Variants in CFH observed in about 807,000 individuals in gnomAD.
CFH encodes the protein complement factor H.
CFH carries 53 observed loss-of-function variants against 147.3 expected under a neutral mutation model. The ratio of observed to expected loss-of-function variants is 0.36; its 90% CI spans 0.29 to 0.45. The LOEUF (loss-of-function observed/expected upper bound fraction) is 0.45. CFH is among the 20% of genes least tolerant of loss of function. The probability of loss-of-function intolerance (pLI) is 1.00; values close to 1 mark genes in which losing one functional copy is unlikely to be tolerated. For synonymous variants in CFH, 536 were observed against 489.4 expected (o/e 1.10, Z -1.26); for missense variants, 1,380 against 1,498.0 (o/e 0.92, Z 1.30).
In CFH at chr1:196,728,504, C is replaced by T. The variant is rs753504670; in HGVS notation, c.2395C>T (p.Pro799Ser). The part of the protein sequence containing the change: ...HTVCINGRWD[P>S]EVNCSMAQIQ... ...AGTCTGCATAAATGGAAGATGGGAT[C>T]CAGAAGTGAACTGCTCAAGTAAGCT... Residue 799 changes from proline (P) to serine (S), a missense_variant, in exon 15 of 22, where the codon CCA (proline) becomes TCA (serine). Pro to Ser is a moderately conservative substitution (Grantham distance 74). Around this residue, in one of 4 missense-constraint regions of CFH, gnomAD observed 830 missense variants for 821.4 expected, o/e 1.01. Transcript: ENST00000367429. 1.9e-6 allele frequency: 3 copies of T among 1,612,406 alleles called. No individual in the cohort carries two copies. The African/African-American group carries it at 4.0e-5, about 22-fold the overall frequency.
intron 1 of CFH, among the ~76,000 whole-genome samples, chr1:196,656,701 T>TTC (rs1666704691): frequency 6.7e-6 from 1 of 150,202 alleles, no homozygotes. Flanking sequence ...TTTTTTTTTT[T>TTC]CTCTATTTTC....
At chr1:196,741,737 T>C in intron 18 of CFH, 138 bp from the exon 19 acceptor site, 3 of 727,944 alleles carry the variant, frequency 4.1e-6, no homozygotes, top group South Asian at 1.8e-5. Flanking sequence ...ATGGCTAATA[T>C]ATTTTCTCAA....
intron 11 of CFH, among the ~76,000 whole-genome samples, chr1:196,721,029 TA>T (rs1668985397): frequency 6.6e-6 from 1 of 152,194 alleles, no homozygotes; most frequent in South Asian, 2.1e-4. Context: ...CTCATTTTTT[TA>T]ATTCGCATTT....
In CFH at chr1:196,730,712, T is replaced by C. The variant is rs776093034; in HGVS notation, c.2413+2190T>C. 5.3e-4 allele frequency among the ~76,000 whole-genome samples: 81 copies of C among 151,928 alleles called. 1 individual carries two copies. The highest frequency in any genetic ancestry group is 7.7e-4 in the Non-Finnish European group (52 of 67,776). On this transcript the variant is annotated intron_variant, in intron 15 of 21. Coordinates refer to ENST00000367429, the MANE Select transcript of CFH (RefSeq NM_000186.4). ...TACTATTACTGTGTTGCAGTCCACA[T>C]CTCCATTCAGATTCCTAAATGTTTC...
chr1:196,680,381 C>G lies in CFH; in HGVS notation c.790+588C>G, dbSNP rs1254685875. Among the ~76,000 whole-genome samples the G allele has an allele frequency of 2.7e-5, 4 of 150,868 alleles. No homozygotes were observed. The East Asian group carries it at 7.8e-4, about 29-fold the overall frequency. ...TTACACAGAGCCAAAGAGTTCATCTCAACTGTGCTCTTTGCCCACCAAAAA... is the reference window on the plus strand; with the variant it reads ...TTACACAGAGCCAAAGAGTTCATCTGAACTGTGCTCTTTGCCCACCAAAAA... On this transcript the variant is annotated intron_variant, in intron 6 of 21. Transcript: ENST00000367429.
At chr1:196,739,489 C>A (rs868185564) in intron 17 of CFH, among the ~76,000 whole-genome samples, 5 of 152,156 alleles carry the variant, frequency 3.3e-5, no homozygotes, top group African/African-American at 1.2e-4. Context: ...AATATGCCAC[C>A]AGTCTCTTTG....
chr1:196,695,616 T>C (rs879963643), intron 9 of CFH, among the ~76,000 whole-genome samples: 1 of 152,142 alleles, frequency 6.6e-6, no homozygotes, highest in African/African-American at 2.4e-5. Context: ...ATTTTCATGA[T>C]ATTGATTCTT....
chr1:196,652,302 G>A, intron 1 of CFH, 127 bp downstream of exon 1: 3 of 706,562 alleles, frequency 4.2e-6, no homozygotes, highest in East Asian at 5.5e-5. Context: ...TGACAATTGA[G>A]TGGCTTTTGA....
At chr1:196,658,685 A>G (rs1402101878) in intron 1 of CFH, among the ~76,000 whole-genome samples, 1 of 151,830 alleles carries the variant, frequency 6.6e-6, no homozygotes, top group Non-Finnish European at 1.5e-5. Context: ...TTGGCCTCCC[A>G]AAGTGCTGGG....
rs1003789666 is a variant in CFH, at chr1:196,728,857, T to G, written c.2413+335T>G. 2.0e-5 allele frequency among the ~76,000 whole-genome samples: 3 copies of G among 152,058 alleles called. No individual in the cohort carries two copies. In the East Asian group the frequency reaches 5.8e-4, roughly 29 times the overall value. The stretch of plus-strand genomic sequence containing the variant: ...GTTCCTGTGCCTATACCTCTGTCTA[T>G]GCCAATAACTACTATGTATCTGTTT... On this transcript the variant is annotated intron_variant, in intron 15 of 21. Coordinates refer to ENST00000367429, the MANE Select transcript of CFH (RefSeq NM_000186.4).
chr1:196,713,449 C>T (rs1443395877), intron 9 of CFH, among the ~76,000 whole-genome samples: 1 of 152,142 alleles, frequency 6.6e-6, no homozygotes, highest in Non-Finnish European at 1.5e-5. Context: ...TTCTGACATG[C>T]TGTAGAATTC....
In CFH at chr1:196,747,432, G is replaced by C; in HGVS notation, c.*119G>C. The stretch of plus-strand genomic sequence containing the variant: ...CATACGTAAAATTTTGGATTAATTT[G>C]TGAAAATGTAATTATAAGCTGAGAC... On this transcript the variant is annotated 3_prime_UTR_variant, in exon 22 of 22. Coordinates refer to ENST00000367429, the MANE Select transcript of CFH (RefSeq NM_000186.4). The C allele has an allele frequency of 3.2e-6, 4 of 1,253,920 alleles. No individual in the cohort carries two copies. The highest frequency in any genetic ancestry group is 1.5e-5 in the African/African-American group (1 of 66,362). 77.7% of individuals were successfully genotyped at this position (1,253,920 alleles called of 1,614,324 possible).
intron 4 of CFH, chr1:196,677,158 G>T (rs1168364721): frequency 4.0e-6 from 1 of 252,016 alleles, no homozygotes; most frequent in Non-Finnish European, 7.8e-6. Flanking sequence ...GGGCATAAAT[G>T]AAAATGTATT....
At chr1:196,714,704 G>GAGAGAGGGAC in intron 10 of CFH, among the ~76,000 whole-genome samples, 1 of 133,918 alleles carries the variant, frequency 7.5e-6, no homozygotes, top group Non-Finnish European at 1.6e-5. Context: ...GAGAGAGAGA[G>GAGAGAGGGAC]AGAGAGAGAG....
chr1:196,689,964 A>G (rs1228414974), intron 8 of CFH, 99 bp from the exon 9 acceptor site: 1 of 1,308,776 alleles, frequency 7.6e-7, no homozygotes, highest in Non-Finnish European at 1.0e-6. Context: ...TGTTTATGCA[A>G]TCTTATTTAA....
chr1:196,742,124 C>T lies in CFH; in HGVS notation c.3133+73C>T, dbSNP rs1652829333. ...GCCCAGTGGCTGGCGCCTGTAATCC[C>T]AGCACTTTGGGAGGCCGAGGTGGGC... is the stretch of plus-strand genomic sequence containing the variant. On this transcript the variant is annotated intron_variant, in intron 19 of 21. Coordinates refer to ENST00000367429, the MANE Select transcript of CFH (RefSeq NM_000186.4). 5.4e-6 allele frequency: 8 copies of T among 1,485,106 alleles called. No individual in the cohort carries two copies. In the Admixed American group the frequency reaches 6.8e-5, roughly 13 times the overall value. 92.0% of individuals were successfully genotyped at this position (1,485,106 alleles called of 1,614,324 possible).
chr1:196,726,745 T>C lies in CFH; in HGVS notation c.2057-16T>C, dbSNP rs767704877. 1.5e-5 allele frequency: 25 copies of C among 1,613,520 alleles called. 1 individual carries two copies. The South Asian group carries it at 2.6e-4, about 17-fold the overall frequency. ...TCATGTTTTCACAATAAACTTTTTT[T>C]GTAAAATTTACATAGTGGAGGAGAG... On this transcript the variant is annotated splice_polypyrimidine_tract_variant and intron_variant, in intron 13 of 21. Transcript: ENST00000367429.
chr1:196,693,184 A>T (rs1045486647), intron 9 of CFH, among the ~76,000 whole-genome samples: 3 of 152,048 alleles, frequency 2.0e-5, no homozygotes, highest in African/African-American at 7.2e-5. Flanking sequence ...TGTTGTGAGA[A>T]TATGCAGAAA....
chr1:196,725,503 A>T (rs577163159), intron 12 of CFH, among the ~76,000 whole-genome samples: 6 of 152,302 alleles, frequency 3.9e-5, no homozygotes, highest in Middle Eastern at 6.8e-3. Flanking sequence ...GATGTGCTGG[A>T]AGTATTCCCA....
Sources: allele counts gnomAD v4.1 joint callset (sites outside exome capture counted in the v4.1 genomes callset), GRCh38; gene constraint gnomAD v4.1.1; regional missense constraint gnomAD v4.1.1; transcripts MANE v1.5; gene names NCBI Gene and HGNC (gene_info 2026-07-23, HGNC 2026-07-21).